SHISA9: variants seen among roughly 807,000 people sequenced by gnomAD.
The protein encoded by SHISA9 is shisa family member 9.
A neutral mutation model predicts 38.0 loss-of-function variants in SHISA9; 13 were observed. The ratio of observed to expected loss-of-function variants is 0.34; its 90% CI spans 0.22 to 0.54. The LOEUF is 0.54. Ranked by LOEUF, SHISA9 falls within the 20% of genes least tolerant of loss-of-function variation. SHISA9 has a pLI of 0.91. For missense variants in SHISA9, 538 were observed against 575.8 expected (o/e 0.93, Z 0.67); for synonymous variants, 275 against 242.0 (o/e 1.14, Z -1.27).
At chr16:13,245,645 T>G in the SHISA9 span, among the ~76,000 whole-genome samples, 1 of 152,312 alleles carries the variant, frequency 6.6e-6, no homozygotes, top group South Asian at 2.1e-4. Context: ...GAGGTAAAAA[T>G]TGCACAAAGT....
intron 4 of SHISA9, among the ~76,000 whole-genome samples, chr16:13,223,016 G>T (rs2051244049): frequency 6.6e-6 from 1 of 152,092 alleles, no homozygotes; most frequent in Admixed American, 6.5e-5. Context: ...GGCCACATAG[G>T]CCTGGTTATT....
chr16:13,399,085 G>C, the SHISA9 span, among the ~76,000 whole-genome samples: 62,188 of 151,658 alleles, frequency 0.41, 14,288 homozygotes, highest in African/African-American at 0.64. Context: ...GAAACCCTGT[G>C]TCCACCAAAA....
chr16:12,925,056 T>C (rs2071376115), intron 2 of SHISA9, among the ~76,000 whole-genome samples: 1 of 147,050 alleles, frequency 6.8e-6, no homozygotes, highest in African/African-American at 2.4e-5. Flanking sequence ...GAAAGTTGGC[T>C]GTTCATTAGG....
At position 13,116,905 on chromosome 16, in the gene SHISA9, G is replaced by C. The variant is rs369216248; in HGVS notation, c.692-86489G>C. ...TAGGTTAGGGCCTTTACATATGTTA[G>C]GGACAAACACCTAGGGGCCAGCAAT... On this transcript the variant is annotated intron_variant, in intron 2 of 4. Transcript: ENST00000558583. 1.7e-4 allele frequency among the ~76,000 whole-genome samples: 26 copies of C among 151,966 alleles called. No individual in the cohort carries two copies. The South Asian group carries it at 2.7e-3, about 16-fold the overall frequency.
the SHISA9 span, among the ~76,000 whole-genome samples, chr16:13,314,538 C>G: frequency 6.6e-6 from 1 of 152,016 alleles, no homozygotes; most frequent in African/African-American, 2.4e-5. Context: ...CCACGCCCAG[C>G]CTATTTCATT....
chr16:13,183,277 GTCA>G (rs1285072999), intron 2 of SHISA9, among the ~76,000 whole-genome samples: 1 of 152,126 alleles, frequency 6.6e-6, no homozygotes, highest in Non-Finnish European at 1.5e-5. Flanking sequence ...TATTGTGATG[GTCA>G]TCTTCAGAAA....
the SHISA9 span, among the ~76,000 whole-genome samples, chr16:13,549,895 C>T: frequency 4.3e-4 from 65 of 151,982 alleles, no homozygotes; most frequent in South Asian, 1.5e-3. Context: ...TGGTCGTAAG[C>T]GCCTGTAATC....
At chr16:13,260,007 C>CTTTCTTTTTTTTTTTTTTTTTTTT in the SHISA9 span, among the ~76,000 whole-genome samples, 3 of 60,418 alleles carry the variant, frequency 5.0e-5, no homozygotes, top group Non-Finnish European at 8.8e-5. Flanking sequence ...TTCTTTCTTT[C>CTTTCTTTTTTTTTTTTTTTTTTTT]TTTTTTTTTT....
chr16:12,953,690 T>G (rs1361342390), intron 2 of SHISA9, among the ~76,000 whole-genome samples: 1 of 151,840 alleles, frequency 6.6e-6, no homozygotes, highest in African/African-American at 2.4e-5. Context: ...TCTGAGACAG[T>G]GGGGGAATAT....
the SHISA9 span, among the ~76,000 whole-genome samples, chr16:13,366,352 C>T: frequency 2.0e-5 from 3 of 152,158 alleles, no homozygotes; most frequent in African/African-American, 7.2e-5. Context: ...AGAATGCAAG[C>T]AAATGTGTTT....
At chr16:13,490,851 AC>A in the SHISA9 span, among the ~76,000 whole-genome samples, 1 of 152,192 alleles carries the variant, frequency 6.6e-6, no homozygotes, top group Admixed American at 6.5e-5. Context: ...TTTATTTCAA[AC>A]AGGTTGTAAT....
At chr16:12,964,740 A>T (rs945176737) in intron 2 of SHISA9, among the ~76,000 whole-genome samples, 1 of 152,174 alleles carries the variant, frequency 6.6e-6, no homozygotes, top group Non-Finnish European at 1.5e-5. Flanking sequence ...AATGTAGGGA[A>T]TTCCTAGCTG....
the SHISA9 span, among the ~76,000 whole-genome samples, chr16:13,329,501 A>G: frequency 6.6e-6 from 1 of 151,940 alleles, no homozygotes; most frequent in Admixed American, 6.6e-5. Flanking sequence ...CAGCCACATC[A>G]TTTTCCTTGT....
the SHISA9 span, among the ~76,000 whole-genome samples, chr16:13,264,603 T>G: frequency 6.6e-6 from 1 of 152,210 alleles, no homozygotes; most frequent in Admixed American, 6.5e-5. Flanking sequence ...GTAGTTCTCC[T>G]ATTCTTCATT....
the SHISA9 span, among the ~76,000 whole-genome samples, chr16:13,400,266 C>T: frequency 6.6e-6 from 1 of 152,130 alleles, no homozygotes; most frequent in South Asian, 2.1e-4. Flanking sequence ...CAGTGTGACC[C>T]AGAAAATGAA....
At chr16:13,244,469 G>A (rs1437146809), downstream of SHISA9, among the ~76,000 whole-genome samples, 3 of 151,916 alleles carry the variant, frequency 2.0e-5, no homozygotes, top group Non-Finnish European at 4.4e-5. Context: ...TAGTAAATAT[G>A]TTTTCTCTTC....
At chr16:13,036,170 G>T (rs6498372) in intron 2 of SHISA9, among the ~76,000 whole-genome samples, 21,932 of 152,026 alleles carry the variant, frequency 0.14, 3,716 homozygotes, top group African/African-American at 0.41. Flanking sequence ...ACAAATGTCC[G>T]CACAAAGTCT....
At chr16:13,247,808 T>A in the SHISA9 span, among the ~76,000 whole-genome samples, 1 of 152,224 alleles carries the variant, frequency 6.6e-6, no homozygotes, top group Non-Finnish European at 1.5e-5. Context: ...TAGATTCACA[T>A]CTTATGATGC....
At chr16:13,140,788 G>T (rs2050395544) in intron 2 of SHISA9, among the ~76,000 whole-genome samples, 1 of 152,276 alleles carries the variant, frequency 6.6e-6, no homozygotes, top group South Asian at 2.1e-4. Context: ...GGTCAGGAAA[G>T]GTTTCCAGCT....
Sources: gnomAD v4.1 joint callset for allele counts (sites outside exome capture counted in the v4.1 genomes callset) on GRCh38, gnomAD v4.1.1 for gene constraint, MANE v1.5 for transcripts, NCBI Gene and HGNC (gene_info 2026-07-23, HGNC 2026-07-21) for gene names.